The following PCDHGA1 variants were observed in gnomAD, a reference collection of about 807,000 sequenced individuals.
PCDHGA1 encodes the protein protocadherin gamma-A1.
Under a neutral mutation model 58.0 loss-of-function variants are expected in PCDHGA1, and 32 were observed. The observed-to-expected ratio is 0.55, with a 90% CI of 0.42 to 0.74. The LOEUF is 0.74. Ranked by LOEUF, PCDHGA1 falls within the 30% of genes least tolerant of loss-of-function variation. The pLI is 0.00. For synonymous variants in PCDHGA1, 498 were observed against 501.1 expected, an observed-to-expected ratio of 0.99 and a Z score of 0.08; for missense variants, 1,205 against 1,182.3, an observed-to-expected ratio of 1.02 and a Z score of -0.28.
chr5:141,344,822 G>C, intron 1 of PCDHGA1: 1 of 1,613,948 alleles, frequency 6.2e-7, no homozygotes, highest in South Asian at 1.1e-5. Context: ...GGCTGCTCAC[G>C]GTGAATGCCA....
intron 1 of PCDHGA1, chr5:141,383,013 G>T: frequency 6.2e-7 from 1 of 1,613,828 alleles, no homozygotes; most frequent in South Asian, 1.1e-5. Context: ...TGTCGGAGGA[G>T]ACGGACAAAG....
chr5:141,453,680 A>G (rs1466590010), intron 1 of PCDHGA1, among the ~76,000 whole-genome samples: 1 of 152,220 alleles, frequency 6.6e-6, no homozygotes, highest in Non-Finnish European at 1.5e-5. Context: ...GTAACACACT[A>G]TGTAGGTAGT....
intron 1 of PCDHGA1, chr5:141,419,209 G>C: frequency 6.2e-7 from 1 of 1,613,900 alleles, no homozygotes; most frequent in Admixed American, 1.7e-5. Context: ...ACAACGCGCC[G>C]GTTTTCGGAC....
intron 1 of PCDHGA1, among the ~76,000 whole-genome samples, chr5:141,468,994 T>C (rs2099188173): frequency 6.7e-6 from 1 of 148,824 alleles, no homozygotes; most frequent in Non-Finnish European, 1.5e-5. Context: ...ATTATTGTTT[T>C]TGCTGGGTGC....
rs189836587 is a variant in PCDHGA1, at chr5:141,376,293, G to A, written c.2421+43188G>A. 14 of 1,614,094 alleles carry A rather than the reference G, an allele frequency of 8.7e-6. No homozygotes were observed. In the Admixed American group the frequency reaches 2.0e-4, roughly 23 times the overall value. On this transcript the variant is annotated intron_variant, in intron 1 of 3. Coordinates refer to ENST00000517417, the MANE Select transcript of PCDHGA1 (RefSeq NM_018912.3). ...GGAGGTGGCTTAGCGAGCATGCCCG[G>A]CTCGCACTTTGTGGGCGTGGAAGGG... is the stretch of plus-strand genomic sequence containing the variant.
intron 2 of PCDHGA1, among the ~76,000 whole-genome samples, chr5:141,495,223 G>T (rs924599140): frequency 6.6e-6 from 1 of 152,208 alleles, no homozygotes; most frequent in South Asian, 2.1e-4. Flanking sequence ...CCTGAGTTGA[G>T]CTGGGCTCCA....
intron 1 of PCDHGA1, among the ~76,000 whole-genome samples, chr5:141,482,329 T>A (rs1334833454): frequency 6.6e-6 from 1 of 152,160 alleles, no homozygotes; most frequent in Non-Finnish European, 1.5e-5. Context: ...ATAAAGAGAA[T>A]ATCTACTTTG....
chr5:141,408,315 C>T lies in PCDHGA1; in HGVS notation c.2421+75210C>T, dbSNP rs757628906. The stretch of plus-strand genomic sequence containing the variant: ...AGTGAGCCGATCCGCTACTCGATTC[C>T]GGAGGAGCTGGCCAAGGGCTCGGTG... On this transcript the variant is annotated intron_variant, in intron 1 of 3. Coordinates refer to ENST00000517417, the MANE Select transcript of PCDHGA1 (RefSeq NM_018912.3). The T allele has an allele frequency of 5.6e-6, 9 of 1,613,712 alleles. No homozygotes were observed. The highest frequency in any genetic ancestry group is 6.8e-6 in the Non-Finnish European group (8 of 1,179,748).
At chr5:141,444,626 A>G (rs542390437) in intron 1 of PCDHGA1, among the ~76,000 whole-genome samples, 74 of 152,288 alleles carry the variant, frequency 4.9e-4, no homozygotes, top group African/African-American at 1.7e-3. Flanking sequence ...GGCATGATGC[A>G]CCAGTTCATT....
intron 1 of PCDHGA1, 102 bp from the exon 2 acceptor site, chr5:141,494,705 G>A (rs2099756254): frequency 1.3e-6 from 2 of 1,597,990 alleles, no homozygotes; most frequent in East Asian, 2.2e-5. Context: ...TTTCTTCTCT[G>A]TGCCCACTCC....
At chr5:141,351,169 G>A (rs377610977) in intron 1 of PCDHGA1, 24 of 1,613,902 alleles carry the variant, frequency 1.5e-5, no homozygotes, top group South Asian at 2.2e-5. Context: ...ATGGCACATT[G>A]GATTTTGAAG....
rs554661873 is a variant in PCDHGA1, at chr5:141,487,723, T to C, written c.2422-7084T>C. ...GCCTCTCAGTAAGTGCCCATAGTGATGTCACCATTTTTGTAAGAGGTAACT... is the reference window on the plus strand; with the variant it reads ...GCCTCTCAGTAAGTGCCCATAGTGACGTCACCATTTTTGTAAGAGGTAACT... On this transcript the variant is annotated intron_variant, in intron 1 of 3. Transcript: ENST00000517417. The surrounding 1 kb of genome is among the most constrained non-coding windows in gnomAD (Gnocchi z 5.0). The C allele has an allele frequency of 2.6e-5, 41 of 1,574,932 alleles. No homozygotes were observed. Among genetic ancestry groups the C allele is most frequent in the Non-Finnish European group, 5.2e-6 (6 of 1,158,382 alleles).
chr5:141,341,095 C>T (rs1757020706), intron 1 of PCDHGA1: 2 of 1,614,136 alleles, frequency 1.2e-6, no homozygotes, highest in Admixed American at 1.7e-5. Context: ...TGGCCTTCGT[C>T]ATCGTGTTGC....
chr5:141,398,237 T>G, intron 1 of PCDHGA1: 1 of 1,479,534 alleles, frequency 6.8e-7, no homozygotes, highest in Non-Finnish European at 9.2e-7. Context: ...CGCTACAGGA[T>G]TCCCGAGGAA....
chr5:141,406,258 G>C (rs895877034), intron 1 of PCDHGA1, among the ~76,000 whole-genome samples: 13 of 151,882 alleles, frequency 8.6e-5, no homozygotes, highest in South Asian at 2.1e-4. Flanking sequence ...GGTCTCAAAC[G>C]ATCTTCCTGC....
At chr5:141,410,662 C>T (rs770245568) in intron 1 of PCDHGA1, 1 of 1,572,090 alleles carries the variant, frequency 6.4e-7, no homozygotes, top group Admixed American at 1.9e-5. Context: ...TAATAGTCTA[C>T]TAGTTTCTCA....
rs746913952 is a variant in PCDHGA1, at chr5:141,432,898, G to A, written c.2422-61909G>A. The A allele has an allele frequency of 1.2e-6, 2 of 1,614,174 alleles. No homozygotes were observed. Among genetic ancestry groups the A allele is most frequent in the South Asian group, 1.1e-5 (1 of 91,090 alleles). On this transcript the variant is annotated intron_variant, in intron 1 of 3. Transcript: ENST00000517417. This position sits in a 1 kb window ranked among gnomAD's most constrained non-coding sequence, Gnocchi z 6.0. ...TGGCCTTCGTCATCTTGCTGCTGGC[G>A]CTCAGGCTGCGGCGCTGGCACAAGT...
Position 141,491,665 on chromosome 5 carries a change from C to G in PCDHGA1, c.2422-3142C>G. The stretch of plus-strand genomic sequence containing the variant: ...TCTGGCGCTGGAGCCTGACGCCATC[C>G]GGTCCCGCTCTAATACGCTGCGGGA... On this transcript the variant is annotated intron_variant, in intron 1 of 3. Transcript: ENST00000517417. This position sits in a 1 kb window ranked among gnomAD's most constrained non-coding sequence, Gnocchi z 6.9. 1 of 1,613,764 alleles carries G rather than the reference C, an allele frequency of 6.2e-7. No homozygotes were observed. Among genetic ancestry groups the G allele is most frequent in the Non-Finnish European group, 8.5e-7 (1 of 1,180,000 alleles).
chr5:141,441,155 T>A (rs2098229690), intron 1 of PCDHGA1: 1 of 152,230 alleles, frequency 6.6e-6, no homozygotes, highest in East Asian at 1.9e-4. Flanking sequence ...GACAATATCC[T>A]AGAGGCGATT....
Sources: gnomAD v4.1 joint callset for allele counts (sites outside exome capture counted in the v4.1 genomes callset) on GRCh38, gnomAD v4.1.1 for gene constraint, Gnocchi (gnomAD v3.1) non-coding constraint, MANE v1.5 for transcripts, NCBI Gene and HGNC (gene_info 2026-07-23, HGNC 2026-07-21) for gene names.